MINPP1: variants seen among roughly 807,000 people sequenced by gnomAD.
MINPP1 encodes the protein multiple inositol polyphosphate phosphatase 1.
In MINPP1, 28 loss-of-function variants were observed where a neutral mutation model predicts 46.1. The ratio of observed to expected loss-of-function variants is 0.61; its 90% CI spans 0.45 to 0.83. The LOEUF is 0.83. Among genes scored for constraint, MINPP1 ranks in the 40% least tolerant of loss-of-function variants. MINPP1 has a pLI of 0.00. For missense variants in MINPP1, 603 were observed against 610.0 expected (o/e 0.99, Z 0.12); for synonymous variants, 268 against 249.1 (o/e 1.08, Z -0.72).
At chr10:87,522,370 C>T (rs1009712284) in intron 4 of MINPP1, among the ~76,000 whole-genome samples, 2 of 152,028 alleles carry the variant, frequency 1.3e-5, no homozygotes, top group Non-Finnish European at 2.9e-5. Flanking sequence ...AAGGATTTTA[C>T]AGTGTCATAG....
intron 3 of MINPP1, among the ~76,000 whole-genome samples, chr10:87,515,181 G>GTTCGTAGGA (rs763785213): frequency 5.3e-5 from 8 of 151,998 alleles, no homozygotes; most frequent in Non-Finnish European, 1.0e-4. Flanking sequence ...GAGGTTAGGA[G>GTTCGTAGGA]TTCGAGACCA....
intron 3 of MINPP1, 40 bp downstream of exon 3, chr10:87,513,261 AATT>A: frequency 6.5e-7 from 1 of 1,541,542 alleles, no homozygotes; most frequent in Non-Finnish European, 9.0e-7. Context: ...TTTTTAAAAA[AATT>A]TTTTTTGGCT....
At chr10:87,506,570 C>T (rs1240085487) in intron 1 of MINPP1, among the ~76,000 whole-genome samples, 1 of 152,038 alleles carries the variant, frequency 6.6e-6, no homozygotes, top group East Asian at 1.9e-4. Flanking sequence ...AGCTGTGGAC[C>T]CAGGAAATCT....
chr10:87,525,722 G>A (rs974056612), intron 4 of MINPP1, among the ~76,000 whole-genome samples: 8 of 151,740 alleles, frequency 5.3e-5, no homozygotes, highest in African/African-American at 7.3e-5. Context: ...ACAGGCCCAC[G>A]CCATGACAGG....
chr10:87,534,441 G>C (rs549929010), intron 4 of MINPP1, among the ~76,000 whole-genome samples: 1 of 152,164 alleles, frequency 6.6e-6, no homozygotes, highest in African/African-American at 2.4e-5. Flanking sequence ...CAAATGTCCA[G>C]CTGCCTTTTG....
At position 87,505,306 on chromosome 10, in the gene MINPP1, C is replaced by A. The variant is rs766995530; in HGVS notation, c.391C>A (p.Leu131Met). ...CGGCAGCCGCGACCTGGGTGCAGCG[C>A]TGGCCGACTGGCCTTTGTGGTACGC... ...STGSRDLGAA[L>M]ADWPLWYADW... Residue 131 changes from leucine (L) to methionine (M), a missense_variant, in exon 1 of 5, where the codon CTG (leucine) becomes ATG (methionine). By Grantham distance (15) the Leu-to-Met change is conservative. Around this residue, in one of 3 missense-constraint regions of MINPP1, gnomAD observed 239 missense variants for 189.4 expected, o/e 1.26. Transcript: ENST00000371996. This position sits in a 1 kb window ranked among gnomAD's most constrained non-coding sequence, Gnocchi z 4.4. The A allele has an allele frequency of 2.8e-5, 45 of 1,611,952 alleles. No individual in the cohort carries two copies. The highest frequency in any genetic ancestry group is 4.2e-6 in the Non-Finnish European group (5 of 1,178,492).
chr10:87,511,350 T>C (rs1851331728), intron 2 of MINPP1, among the ~76,000 whole-genome samples: 1 of 152,200 alleles, frequency 6.6e-6, no homozygotes, highest in Admixed American at 6.5e-5. Context: ...CTGAGTGTTG[T>C]ATTTTGTCTA....
chr10:87,530,392 G>A (rs1851640537), intron 4 of MINPP1, among the ~76,000 whole-genome samples: 1 of 152,116 alleles, frequency 6.6e-6, no homozygotes, highest in Admixed American at 6.5e-5. Context: ...TGGGGTTTTG[G>A]TGTGGATGTC....
intron 4 of MINPP1, among the ~76,000 whole-genome samples, chr10:87,532,364 A>G (rs1851672842): frequency 6.6e-6 from 1 of 152,260 alleles, no homozygotes; most frequent in South Asian, 2.1e-4. Flanking sequence ...AGTCTAGAGA[A>G]AATAAAAACA....
rs563970680 is a variant in MINPP1, at chr10:87,530,613, C to A, written c.1067+9444C>A. On this transcript the variant is annotated intron_variant, in intron 4 of 4. Coordinates refer to ENST00000371996, the MANE Select transcript of MINPP1 (RefSeq NM_004897.5). ...GGGATGGGTTGTCAGTCGGCCCCTA[C>A]TGGGAGGTGCCCCCCCAGTTAGGCT... Among the ~76,000 whole-genome samples, 29 of 152,306 alleles carry A rather than the reference C, an allele frequency of 1.9e-4. 1 individual carries two copies. In the East Asian group the frequency reaches 5.6e-3, roughly 29 times the overall value.
At chr10:87,545,282 T>G (rs1342902836) in intron 4 of MINPP1, among the ~76,000 whole-genome samples, 1 of 152,076 alleles carries the variant, frequency 6.6e-6, no homozygotes, top group Non-Finnish European at 1.5e-5. Context: ...CTAAGTGGGA[T>G]TTTTAATATT....
At chr10:87,546,752 C>A (rs11202443) in intron 4 of MINPP1, 1 of 152,052 alleles carries the variant, frequency 6.6e-6, no homozygotes, top group Admixed American at 6.6e-5. Flanking sequence ...CAAGCTAAGA[C>A]CCCGTTTCTA....
At chr10:87,523,358 T>G (rs911397079) in intron 4 of MINPP1, among the ~76,000 whole-genome samples, 4 of 85,128 alleles carry the variant, frequency 4.7e-5, no homozygotes, top group East Asian at 5.4e-4. Flanking sequence ...AAATTTCTGT[T>G]TTTTTTTTTT....
At chr10:87,517,629 T>G (rs1851430787) in intron 3 of MINPP1, among the ~76,000 whole-genome samples, 1 of 152,244 alleles carries the variant, frequency 6.6e-6, no homozygotes, top group Admixed American at 6.5e-5. Flanking sequence ...ATTTTACAGT[T>G]TATTCATTAT....
chr10:87,543,959 A>G (rs1173956636), intron 4 of MINPP1, among the ~76,000 whole-genome samples: 2 of 152,196 alleles, frequency 1.3e-5, no homozygotes, highest in Non-Finnish European at 2.9e-5. Context: ...TCTGTGACCC[A>G]GTGTTGGGGG....
chr10:87,507,963 C>T (rs1456601842), intron 1 of MINPP1: 2 of 1,339,960 alleles, frequency 1.5e-6, no homozygotes, highest in Non-Finnish European at 1.9e-6. Flanking sequence ...AAATAGATTC[C>T]ATATGTTGAA....
At position 87,505,897 on chromosome 10, in the gene MINPP1, G is replaced by C. The variant is rs1283148306; in HGVS notation, c.637+345G>C. ...TTCCCAAACTGAATTGCCCCTTCGA[G>C]CGCCAACCCATCCCTTCCCCCTTCC... On this transcript the variant is annotated intron_variant, in intron 1 of 4. Coordinates refer to ENST00000371996, the MANE Select transcript of MINPP1 (RefSeq NM_004897.5). The surrounding 1 kb of genome is among the most constrained non-coding windows in gnomAD (Gnocchi z 4.4). Among the ~76,000 whole-genome samples, 1 of 152,030 alleles carries C rather than the reference G, an allele frequency of 6.6e-6. No individual in the cohort carries two copies. Among genetic ancestry groups the C allele is most frequent in the African/African-American group, 2.4e-5 (1 of 41,376 alleles).
intron 4 of MINPP1, among the ~76,000 whole-genome samples, chr10:87,530,605 G>A (rs930727047): frequency 1.3e-5 from 2 of 152,034 alleles, no homozygotes; most frequent in African/African-American, 4.8e-5. Context: ...GTTGTCAGTC[G>A]GCCCCTACTG....
At chr10:87,538,898 A>G (rs754714788) in intron 4 of MINPP1, among the ~76,000 whole-genome samples, 1 of 152,208 alleles carries the variant, frequency 6.6e-6, no homozygotes, top group African/African-American at 2.4e-5. Flanking sequence ...ACATGCAATT[A>G]TTAGTTGTTT....
Sources: allele counts gnomAD v4.1 joint callset (sites outside exome capture counted in the v4.1 genomes callset), GRCh38; gene constraint gnomAD v4.1.1; regional missense constraint gnomAD v4.1.1; non-coding constraint Gnocchi (gnomAD v3.1); transcripts MANE v1.5; gene names NCBI Gene and HGNC (gene_info 2026-07-23, HGNC 2026-07-21).